GRID2: variants seen among roughly 807,000 people sequenced by gnomAD.
The protein encoded by GRID2 is glutamate ionotropic receptor delta type subunit 2.
In GRID2, 33 loss-of-function variants were observed where a neutral mutation model predicts 114.8. The observed-to-expected ratio is 0.29, with a 90% CI of 0.22 to 0.38. The LOEUF is 0.38. Among genes scored for constraint, GRID2 ranks in the 10% least tolerant of loss-of-function variants. The probability of loss-of-function intolerance (pLI) is 1.00; values close to 1 mark genes in which losing one functional copy is unlikely to be tolerated. For missense variants in GRID2, 1,184 were observed against 1,257.7 expected, an observed-to-expected ratio of 0.94 and a Z score of 0.89; for synonymous variants, 505 against 449.9, an observed-to-expected ratio of 1.12 and a Z score of -1.55.
intron 1 of GRID2, among the ~76,000 whole-genome samples, chr4:92,438,038 A>G (rs1732823293): frequency 6.6e-6 from 1 of 152,190 alleles, no homozygotes. Flanking sequence ...AGTGTGCCAC[A>G]ATAAATAATC....
At chr4:92,450,411 A>C (rs889686295) in intron 1 of GRID2, among the ~76,000 whole-genome samples, 1 of 152,096 alleles carries the variant, frequency 6.6e-6, no homozygotes, top group South Asian at 2.1e-4. Context: ...GAGAAATCCA[A>C]CTCAATGAAC....
chr4:93,379,513 A>T (rs1763664600), intron 8 of GRID2, among the ~76,000 whole-genome samples: 1 of 152,126 alleles, frequency 6.6e-6, no homozygotes, highest in Non-Finnish European at 1.5e-5. Context: ...GCAGATTAAA[A>T]GGTAGATTGG....
intron 2 of GRID2, among the ~76,000 whole-genome samples, chr4:92,932,772 T>TA (rs1168672136): frequency 6.6e-6 from 1 of 151,290 alleles, no homozygotes; most frequent in African/African-American, 2.4e-5. Context: ...TGGATGAATC[T>TA]AAAAAAGTCT....
intron 13 of GRID2, among the ~76,000 whole-genome samples, chr4:93,562,766 CTA>C (rs1735045541): frequency 6.6e-6 from 1 of 152,000 alleles, no homozygotes; most frequent in South Asian, 2.1e-4. Context: ...TCCAGCTGTT[CTA>C]GCACCATTTG....
intron 14 of GRID2, among the ~76,000 whole-genome samples, chr4:93,707,044 G>A (rs1478084955): frequency 6.6e-5 from 10 of 151,792 alleles, no homozygotes; most frequent in African/African-American, 1.2e-4. Context: ...TTGCATCGCC[G>A]GAATATATCC....
intron 13 of GRID2, among the ~76,000 whole-genome samples, chr4:93,558,732 T>C (rs1034639780): frequency 6.6e-6 from 1 of 152,212 alleles, no homozygotes; most frequent in Non-Finnish European, 1.5e-5. Flanking sequence ...CTGACTCATT[T>C]TATGAGGCCA....
chr4:93,125,023 C>T (rs1579057334), intron 4 of GRID2, among the ~76,000 whole-genome samples: 1 of 151,846 alleles, frequency 6.6e-6, no homozygotes, highest in African/African-American at 2.4e-5. Flanking sequence ...GTTAGAAATA[C>T]TTTAGTCTGG....
chr4:93,509,613 G>T (rs1317738686), intron 12 of GRID2, among the ~76,000 whole-genome samples: 1 of 152,088 alleles, frequency 6.6e-6, no homozygotes, highest in African/African-American at 2.4e-5. Context: ...TTTTGGAGAA[G>T]TTTAAATAAT....
chr4:93,250,681 TTA>T (rs1290995861), intron 8 of GRID2, among the ~76,000 whole-genome samples: 4 of 146,676 alleles, frequency 2.7e-5, no homozygotes, highest in Middle Eastern at 3.3e-3. Flanking sequence ...ATTTTATATA[TTA>T]TATATATATA....
intron 1 of GRID2, among the ~76,000 whole-genome samples, chr4:92,529,160 C>T (rs1725192190): frequency 6.6e-6 from 1 of 151,990 alleles, no homozygotes; most frequent in Non-Finnish European, 1.5e-5. Context: ...CTTTACAGGA[C>T]TAATCATAAT....
chr4:92,927,513 AAAAG>A (rs1244752057), intron 2 of GRID2, among the ~76,000 whole-genome samples: 2 of 151,856 alleles, frequency 1.3e-5, no homozygotes, highest in African/African-American at 4.8e-5. Flanking sequence ...CAATAACAAA[AAAAG>A]AGAAACCTGA....
At chr4:93,318,988 T>C (rs1459492559) in intron 8 of GRID2, 1 of 152,178 alleles carries the variant, frequency 6.6e-6, no homozygotes, top group African/African-American at 2.4e-5. Context: ...TGTTTTGTTT[T>C]GGATTTACAG....
intron 2 of GRID2, among the ~76,000 whole-genome samples, chr4:92,993,976 C>T (rs1162046390): frequency 1.3e-5 from 2 of 152,074 alleles, no homozygotes; most frequent in African/African-American, 4.8e-5. Flanking sequence ...TTCCAGTCAG[C>T]ATATCATTTC....
chr4:92,343,511 A>G (rs1048662149), intron 1 of GRID2, among the ~76,000 whole-genome samples: 2 of 152,066 alleles, frequency 1.3e-5, no homozygotes, highest in Non-Finnish European at 2.9e-5. Flanking sequence ...CCTAACTAAT[A>G]GCATAAACAG....
intron 11 of GRID2, among the ~76,000 whole-genome samples, chr4:93,457,773 T>G (rs1283507421): frequency 6.6e-6 from 1 of 151,938 alleles, no homozygotes; most frequent in Non-Finnish European, 1.5e-5. Flanking sequence ...GAATAGAAAA[T>G]TATGTATATT....
intron 14 of GRID2, among the ~76,000 whole-genome samples, chr4:93,739,527 T>G (rs139348666): frequency 3.9e-5 from 6 of 152,250 alleles, no homozygotes; most frequent in African/African-American, 1.4e-4. Flanking sequence ...TATCCCATTT[T>G]TAAAGGGATA....
intron 8 of GRID2, among the ~76,000 whole-genome samples, chr4:93,342,106 T>A (rs1035118459): frequency 6.6e-6 from 1 of 152,112 alleles, no homozygotes; most frequent in African/African-American, 2.4e-5. Context: ...ATACTGCAAA[T>A]CAAATGATAT....
At chr4:93,778,374 T>G (rs1734411062), downstream of GRID2, among the ~76,000 whole-genome samples, 2 of 151,288 alleles carry the variant, frequency 1.3e-5, no homozygotes, top group African/African-American at 4.8e-5. Flanking sequence ...GTTCCATATG[T>G]TCAGCTTATC....
At chr4:93,217,567 T>A (rs1056127962) in intron 6 of GRID2, among the ~76,000 whole-genome samples, 1 of 152,068 alleles carries the variant, frequency 6.6e-6, no homozygotes, top group Non-Finnish European at 1.5e-5. Flanking sequence ...GGTTTTTTTT[T>A]CACTTTGCTC....
Sources: gnomAD v4.1 joint callset for allele counts (sites outside exome capture counted in the v4.1 genomes callset) on GRCh38, gnomAD v4.1.1 for gene constraint, MANE v1.5 for transcripts, NCBI Gene and HGNC (gene_info 2026-07-23, HGNC 2026-07-21) for gene names.